The following ZFHX3 variants were observed in gnomAD, a reference collection of about 807,000 sequenced individuals.
The protein encoded by ZFHX3 is zinc finger homeobox protein 3.
ZFHX3 carries 42 observed loss-of-function variants against 279.1 expected under a neutral mutation model. That is an observed-to-expected ratio of 0.15 (90% CI 0.12 to 0.19). The LOEUF is 0.19. Ranked by LOEUF, ZFHX3 falls within the 10% of genes least tolerant of loss-of-function variation. ZFHX3 has a pLI of 1.00. For missense variants in ZFHX3, 4,981 were observed against 4,754.0 expected, an observed-to-expected ratio of 1.05 and a Z score of -1.40; for synonymous variants, 2,293 against 1,957.8, an observed-to-expected ratio of 1.17 and a Z score of -4.52.
At chr16:73,531,078 T>C (rs142801504) in intron 2 of ZFHX3, among the ~76,000 whole-genome samples, 29 of 152,346 alleles carry the variant, frequency 1.9e-4, no homozygotes, top group African/African-American at 6.3e-4. Flanking sequence ...TCACTATTTG[T>C]TGGGAAACTT....
chr16:72,798,783 G>A (rs1231390860), intron 8 of ZFHX3, 69 bp from the exon 9 acceptor site: 3 of 1,496,516 alleles, frequency 2.0e-6, no homozygotes, highest in Admixed American at 4.7e-5. Context: ...GGCACCCAGA[G>A]CGGTCTACCT....
At chr16:73,751,527 A>ATG (rs151328978) in intron 1 of ZFHX3, among the ~76,000 whole-genome samples, 10,220 of 145,724 alleles carry the variant, frequency 0.07, 433 homozygotes, top group African/African-American at 0.11. Flanking sequence ...ATATGTGTTT[A>ATG]TGTGTGTGTG....
intron 1 of ZFHX3, among the ~76,000 whole-genome samples, chr16:73,847,634 G>A (rs891300491): frequency 1.3e-5 from 2 of 151,964 alleles, no homozygotes; most frequent in South Asian, 2.1e-4. Flanking sequence ...CTGTCTTATG[G>A]GACTAATAAA....
At chr16:73,036,339 C>T (rs1022970613) in intron 1 of ZFHX3, among the ~76,000 whole-genome samples, 39 of 152,154 alleles carry the variant, frequency 2.6e-4, no homozygotes, top group Non-Finnish European at 4.6e-4. Context: ...TGCGGAAGGC[C>T]GGTCCAGAGG....
At chr16:73,884,874 G>C (rs1422495934) in intron 1 of ZFHX3, among the ~76,000 whole-genome samples, 1 of 152,096 alleles carries the variant, frequency 6.6e-6, no homozygotes, top group Non-Finnish European at 1.5e-5. Flanking sequence ...CCCAGAATTA[G>C]AACTTAATTA....
At chr16:73,392,216 T>G (rs2017027110) in intron 3 of ZFHX3, among the ~76,000 whole-genome samples, 1 of 151,424 alleles carries the variant, frequency 6.6e-6, no homozygotes, top group African/African-American at 2.4e-5. Flanking sequence ...GGTCAGGAGT[T>G]CAATACCAGC....
At chr16:72,948,633 G>C (rs80225150) in intron 3 of ZFHX3, among the ~76,000 whole-genome samples, 1 of 152,308 alleles carries the variant, frequency 6.6e-6, no homozygotes, top group Non-Finnish European at 1.5e-5. Context: ...CAGCATGAGA[G>C]TTAATCGCCA....
At chr16:73,278,039 C>T (rs564945358) in intron 4 of ZFHX3, among the ~76,000 whole-genome samples, 60 of 152,312 alleles carry the variant, frequency 3.9e-4, no homozygotes, top group African/African-American at 1.4e-3. Context: ...ACCTCCAACA[C>T]TGGGGATTAC....
At chr16:72,965,259 C>T (rs1961780066) in intron 1 of ZFHX3, among the ~76,000 whole-genome samples, 1 of 152,208 alleles carries the variant, frequency 6.6e-6, no homozygotes, top group Non-Finnish European at 1.5e-5. Context: ...TCTTTAAGCA[C>T]CCAGGGACTG....
At chr16:73,781,549 C>T (rs1408036415) in intron 1 of ZFHX3, among the ~76,000 whole-genome samples, 1 of 152,192 alleles carries the variant, frequency 6.6e-6, no homozygotes, top group Non-Finnish European at 1.5e-5. Flanking sequence ...TGAGTCATTA[C>T]AACACAGACT....
At chr16:72,970,371 G>T (rs1366012261) in intron 1 of ZFHX3, among the ~76,000 whole-genome samples, 1 of 152,116 alleles carries the variant, frequency 6.6e-6, no homozygotes, top group Non-Finnish European at 1.5e-5. Flanking sequence ...AACAGCTATA[G>T]TAACTGTATC....
At position 72,787,895 on chromosome 16, in the gene ZFHX3, C is replaced by G; in HGVS notation, c.10381G>C (p.Val3461Leu). Residue 3461 changes from valine to leucine, a missense_variant, in exon 10 of 10, where the codon GTG becomes CTG. Val to Leu is a conservative substitution (Grantham distance 32, BLOSUM62 1). Coordinates refer to ENST00000268489, the MANE Select transcript of ZFHX3 (RefSeq NM_006885.4). ...SLYDPFIVPKVQYKLVCRKCQ... is the reference protein window; with the variant it reads ...SLYDPFIVPKLQYKLVCRKCQ... Reference sequence around the variant, plus strand: ...TTGCGGCAGACCAACTTGTACTGCACCTTTGGAACAATGAAGGGGTCGTAG... The same window carrying G: ...TTGCGGCAGACCAACTTGTACTGCAGCTTTGGAACAATGAAGGGGTCGTAG... The G allele has an allele frequency of 1.9e-6, 3 of 1,614,072 alleles. No homozygotes were observed. The highest frequency in any genetic ancestry group is 2.5e-6 in the Non-Finnish European group (3 of 1,180,030).
intron 1 of ZFHX3, among the ~76,000 whole-genome samples, chr16:73,689,810 G>GTTTTTTTTTTTTTTTT (rs1567552757): frequency 6.7e-6 from 1 of 149,690 alleles, no homozygotes. Flanking sequence ...ACAGTTTTTT[G>GTTTTTTTTTTTTTTTT]TTTTTTGTTT....
chr16:73,016,688 T>C (rs527311443), intron 1 of ZFHX3, among the ~76,000 whole-genome samples: 88 of 152,078 alleles, frequency 5.8e-4, no homozygotes, highest in Non-Finnish European at 1.1e-3. Flanking sequence ...CAGAGTTGAC[T>C]CCAGTAATTT....
At chr16:73,610,628 C>T (rs893092692) in intron 2 of ZFHX3, among the ~76,000 whole-genome samples, 8 of 152,160 alleles carry the variant, frequency 5.3e-5, no homozygotes, top group Non-Finnish European at 1.0e-4. Context: ...CTTTCCCATT[C>T]CTCGAATGTT....
At chr16:73,459,347 G>A (rs1469026919) in intron 2 of ZFHX3, among the ~76,000 whole-genome samples, 1 of 152,066 alleles carries the variant, frequency 6.6e-6, no homozygotes, top group Non-Finnish European at 1.5e-5. Context: ...AAAGGAAAGA[G>A]GTTGTCTTTT....
intron 3 of ZFHX3, among the ~76,000 whole-genome samples, chr16:73,434,127 G>C (rs1225789007): frequency 6.6e-6 from 1 of 152,188 alleles, no homozygotes; most frequent in Non-Finnish European, 1.5e-5. Flanking sequence ...CTGTAATTCA[G>C]AATACGGGGA....
intron 4 of ZFHX3, among the ~76,000 whole-genome samples, chr16:73,301,095 C>G (rs1198159192): frequency 6.6e-6 from 1 of 152,178 alleles, no homozygotes; most frequent in African/African-American, 2.4e-5. Flanking sequence ...CTATCTTTTT[C>G]CAGAAGTCTC....
chr16:72,997,085 G>T (rs950291179), intron 1 of ZFHX3, among the ~76,000 whole-genome samples: 3 of 152,192 alleles, frequency 2.0e-5, no homozygotes, highest in Non-Finnish European at 4.4e-5. Context: ...AACCAACCCT[G>T]AGAAAGGAAA....
Sources: allele counts gnomAD v4.1 joint callset (sites outside exome capture counted in the v4.1 genomes callset), GRCh38; gene constraint gnomAD v4.1.1; transcripts MANE v1.5; gene names NCBI Gene and HGNC (gene_info 2026-07-23, HGNC 2026-07-21).